The following GREM2 variants were observed in gnomAD, a reference collection of about 807,000 sequenced individuals.
GREM2 encodes the protein gremlin-2.
In GREM2, 11 loss-of-function variants were observed where a neutral mutation model predicts 14.2. The observed-to-expected ratio is 0.78, with a 90% CI of 0.49 to 1.28. The LOEUF (loss-of-function observed/expected upper bound fraction) is 1.28. Among genes scored for constraint, GREM2 ranks in the 50% most tolerant of loss-of-function variants. The pLI, the probability that GREM2 is intolerant of heterozygous loss-of-function variation, is 0.00. For missense variants in GREM2, 210 were observed against 218.5 expected (o/e 0.96, Z 0.24); for synonymous variants, 98 against 97.6 (o/e 1.00, Z -0.02).
intron 1 of GREM2, chr1:240,588,923 G>A (rs766479043): frequency 5.9e-5 from 9 of 151,880 alleles, no homozygotes; most frequent in Admixed American, 3.3e-4. Context: ...ACCAGCCTGG[G>A]CAACATAATG....
intron 1 of GREM2, among the ~76,000 whole-genome samples, chr1:240,597,227 C>T (rs1679836037): frequency 6.6e-6 from 1 of 152,186 alleles, no homozygotes; most frequent in South Asian, 2.1e-4. Context: ...GCTCAGGAGC[C>T]AGGGCTCTCA....
intron 1 of GREM2, among the ~76,000 whole-genome samples, chr1:240,506,506 G>A (rs1277761289): frequency 2.6e-5 from 4 of 152,052 alleles, no homozygotes; most frequent in African/African-American, 2.4e-5. Context: ...CAAGGCTCTC[G>A]ACCAAGGAAA....
intron 1 of GREM2, among the ~76,000 whole-genome samples, chr1:240,608,277 A>G (rs184156931): frequency 6.6e-6 from 1 of 152,360 alleles, no homozygotes; most frequent in East Asian, 1.9e-4. Flanking sequence ...CATTATCAAT[A>G]AGAGAAAAGT....
At chr1:240,577,636 T>C (rs1179315195) in intron 1 of GREM2, among the ~76,000 whole-genome samples, 1 of 152,208 alleles carries the variant, frequency 6.6e-6, no homozygotes, top group Non-Finnish European at 1.5e-5. Context: ...ACGTATTTCT[T>C]TGGGAAATTA....
chr1:240,499,210 A>T (rs1358384739), intron 1 of GREM2, among the ~76,000 whole-genome samples: 2 of 152,206 alleles, frequency 1.3e-5, no homozygotes, highest in Non-Finnish European at 2.9e-5. Flanking sequence ...CCTTCCTGAC[A>T]GGCAAATGCA....
intron 1 of GREM2, among the ~76,000 whole-genome samples, chr1:240,560,129 T>C (rs2103349168): frequency 6.6e-6 from 1 of 152,264 alleles, no homozygotes; most frequent in Admixed American, 6.5e-5. Flanking sequence ...CATTTATTAT[T>C]ATTATTAAAA....
chr1:240,526,538 C>A (rs1678225327), intron 1 of GREM2, among the ~76,000 whole-genome samples: 1 of 152,142 alleles, frequency 6.6e-6, no homozygotes, highest in Admixed American at 6.5e-5. Flanking sequence ...GTGCCACGGC[C>A]TAGATCAGGT....
intron 1 of GREM2, among the ~76,000 whole-genome samples, chr1:240,500,646 T>C (rs1677550566): frequency 1.3e-5 from 2 of 152,164 alleles, no homozygotes; most frequent in Admixed American, 1.3e-4. Context: ...TTTGCAACTT[T>C]TTCCCCAAGA....
chr1:240,577,668 T>G (rs1164001773), intron 1 of GREM2, among the ~76,000 whole-genome samples: 1 of 152,218 alleles, frequency 6.6e-6, no homozygotes. Context: ...GATGTTAGTC[T>G]TAGTGTCAAG....
At position 240,493,433 on chromosome 1, in the gene GREM2, G is replaced by A. The variant is rs774583750; in HGVS notation, c.43C>T (p.Leu15=). Residue 15 remains leucine (L), a synonymous_variant, in exon 2 of 2, where the codon CTG becomes TTG. Transcript: ENST00000318160. ...LSLSLFLVAV[L]VKVAEARKNR... is the part of the protein sequence containing the mutation. ...TTCCGGGCTTCCGCCACCTTCACCAGCACCGCCACCAGGAACAAGGACAGG... is the reference window on the plus strand; with the variant it reads ...TTCCGGGCTTCCGCCACCTTCACCAACACCGCCACCAGGAACAAGGACAGG... The A allele has an allele frequency of 2.5e-6, 4 of 1,611,630 alleles. No homozygotes were observed. The East Asian group carries it at 8.9e-5, about 36-fold the overall frequency.
chr1:240,576,696 G>A (rs1412793697), intron 1 of GREM2, among the ~76,000 whole-genome samples: 1 of 151,844 alleles, frequency 6.6e-6, no homozygotes, highest in Non-Finnish European at 1.5e-5. Context: ...CTCTTTGTTT[G>A]GAATAAAAAC....
At chr1:240,550,079 T>C (rs1397787176) in intron 1 of GREM2, 1 of 152,374 alleles carries the variant, frequency 6.6e-6, no homozygotes, top group Non-Finnish European at 1.5e-5. Context: ...TGGAGTGCAA[T>C]GGCGGGATCT....
chr1:240,581,957 G>A (rs1679494406), intron 1 of GREM2, among the ~76,000 whole-genome samples: 1 of 152,188 alleles, frequency 6.6e-6, no homozygotes, highest in African/African-American at 2.4e-5. Flanking sequence ...GTAATACAGT[G>A]GTTCTCAAAC....
intron 1 of GREM2, among the ~76,000 whole-genome samples, chr1:240,556,546 C>T (rs1319273916): frequency 1.3e-5 from 2 of 151,828 alleles, no homozygotes; most frequent in African/African-American, 4.8e-5. Context: ...GAGACAAAGC[C>T]CCAAGCAAGC....
intron 1 of GREM2, among the ~76,000 whole-genome samples, chr1:240,518,797 G>A (rs183618684): frequency 2.4e-4 from 37 of 152,302 alleles, no homozygotes; most frequent in African/African-American, 7.2e-4. Context: ...ATCTGCATGC[G>A]TGGCTTGGTG....
intron 1 of GREM2, among the ~76,000 whole-genome samples, chr1:240,611,653 G>T (rs556905057): frequency 4.6e-5 from 7 of 152,274 alleles, no homozygotes; most frequent in African/African-American, 1.7e-4. Flanking sequence ...GGTCAAGTTT[G>T]AAGGTCCTTA....
At chr1:240,509,019 C>G (rs143439948) in intron 1 of GREM2, among the ~76,000 whole-genome samples, 9 of 152,324 alleles carry the variant, frequency 5.9e-5, no homozygotes, top group African/African-American at 2.2e-4. Context: ...ACGTAGCAAT[C>G]AGTGTTAGAG....
chr1:240,559,484 C>G (rs775366878), intron 1 of GREM2, among the ~76,000 whole-genome samples: 2 of 151,508 alleles, frequency 1.3e-5, no homozygotes, highest in Non-Finnish European at 2.9e-5. Context: ...GTTGGGATTA[C>G]AAGCACCCGC....
chr1:240,586,430 A>G (rs1679601194), intron 1 of GREM2, among the ~76,000 whole-genome samples: 1 of 152,212 alleles, frequency 6.6e-6, no homozygotes, highest in South Asian at 2.1e-4. Context: ...TCACTGAGTG[A>G]CCTTAAAGGA....
Sources: gnomAD v4.1 joint callset for allele counts (sites outside exome capture counted in the v4.1 genomes callset) on GRCh38, gnomAD v4.1.1 for gene constraint, MANE v1.5 for transcripts, NCBI Gene and HGNC (gene_info 2026-07-23, HGNC 2026-07-21) for gene names.